The following SOX5 variants were observed in gnomAD, a reference collection of about 807,000 sequenced individuals.
The protein encoded by SOX5 is SRY-box transcription factor 5, also known as transcription factor SOX-5.
Under a neutral mutation model 92.0 loss-of-function variants are expected in SOX5, and 9 were observed. The ratio of observed to expected loss-of-function variants is 0.10; its 90% CI spans 0.06 to 0.17. The LOEUF (loss-of-function observed/expected upper bound fraction) is 0.17, where lower values mean the gene tolerates loss of function less well. SOX5 is among the 10% of genes least tolerant of loss of function. The pLI is 1.00. For synonymous variants in SOX5, 344 were observed against 336.3 expected, an observed-to-expected ratio of 1.02 and a Z score of -0.25; for missense variants, 642 against 944.5, an observed-to-expected ratio of 0.68 and a Z score of 4.20.
intron 6 of SOX5, among the ~76,000 whole-genome samples, chr12:23,710,472 T>C (rs2091936874): frequency 6.6e-6 from 1 of 152,122 alleles, no homozygotes; most frequent in Non-Finnish European, 1.5e-5. Context: ...TTCCCACCTA[T>C]GAGTGAGAAC....
At chr12:24,524,364 T>TATCCATCTATCTATCTATCTATCC (rs1426540074) in intron 1 of SOX5, among the ~76,000 whole-genome samples, 2 of 151,896 alleles carry the variant, frequency 1.3e-5, no homozygotes, top group Non-Finnish European at 2.9e-5. Context: ...TCTATCTATC[T>TATCCATCTATCTATCTATCTATCC]ATCTATCTAT....
chr12:24,455,036 T>A (rs973479499), intron 1 of SOX5, among the ~76,000 whole-genome samples: 3 of 152,366 alleles, frequency 2.0e-5, no homozygotes, highest in Non-Finnish European at 2.9e-5. Context: ...ATATGTCCAC[T>A]GCAAGAATGC....
At chr12:24,345,904 C>G (rs1045151873) in intron 2 of SOX5, among the ~76,000 whole-genome samples, 1 of 152,172 alleles carries the variant, frequency 6.6e-6, no homozygotes, top group Non-Finnish European at 1.5e-5. Flanking sequence ...CACACTTATT[C>G]TGTTGCTCTC....
At chr12:24,118,335 A>G (rs1223331608) in intron 4 of SOX5, among the ~76,000 whole-genome samples, 1 of 152,194 alleles carries the variant, frequency 6.6e-6, no homozygotes, top group African/African-American at 2.4e-5. Flanking sequence ...TACTATGTAT[A>G]CATACATTGA....
chr12:24,506,902 T>C (rs1948835303), intron 1 of SOX5, among the ~76,000 whole-genome samples: 2 of 148,928 alleles, frequency 1.3e-5, no homozygotes, highest in Admixed American at 6.8e-5. Context: ...ACCATTCTCC[T>C]GCCTCAGCCT....
chr12:24,129,401 T>C (rs188828992), intron 4 of SOX5, among the ~76,000 whole-genome samples: 1 of 152,284 alleles, frequency 6.6e-6, no homozygotes, highest in Non-Finnish European at 1.5e-5. Flanking sequence ...TGTTATCCAT[T>C]CCTTATCTGA....
chr12:24,351,022 C>A (rs1954014885), intron 2 of SOX5, among the ~76,000 whole-genome samples: 1 of 152,138 alleles, frequency 6.6e-6, no homozygotes. Flanking sequence ...CATACCACTC[C>A]ATTCCAGCCT....
At chr12:23,954,795 G>A (rs940753084), upstream of SOX5, among the ~76,000 whole-genome samples, 2 of 152,018 alleles carry the variant, frequency 1.3e-5, no homozygotes, top group African/African-American at 4.8e-5. Flanking sequence ...CATATTTGAA[G>A]AAACAGTGTT....
At chr12:23,923,107 G>A (rs1396458397) in intron 1 of SOX5, among the ~76,000 whole-genome samples, 3 of 151,912 alleles carry the variant, frequency 2.0e-5, no homozygotes, top group Admixed American at 6.6e-5. Context: ...CACAACGCCC[G>A]GCTAATTTTT....
chr12:24,343,065 A>G (rs1242095752), intron 2 of SOX5, among the ~76,000 whole-genome samples: 3 of 152,252 alleles, frequency 2.0e-5, no homozygotes, highest in Non-Finnish European at 2.9e-5. Context: ...CAAGTTTAAT[A>G]GTCACCTTCA....
At chr12:23,806,599 G>GAA (rs368368718) in intron 3 of SOX5, among the ~76,000 whole-genome samples, 2 of 96,098 alleles carry the variant, frequency 2.1e-5, no homozygotes, top group Non-Finnish European at 4.4e-5. Context: ...AAAAAAAAAA[G>GAA]AAAAAAAAAA....
At chr12:24,213,432 A>G (rs933918363) in intron 3 of SOX5, 1 of 150,746 alleles carries the variant, frequency 6.6e-6, no homozygotes, top group Non-Finnish European at 1.5e-5. Flanking sequence ...AAAAAAAAAA[A>G]AAAAAAAGAA....
intron 4 of SOX5, among the ~76,000 whole-genome samples, 157 bp downstream of exon 4, chr12:23,755,481 T>C (rs2094337858): frequency 6.6e-6 from 1 of 151,782 alleles, no homozygotes; most frequent in African/African-American, 2.4e-5. Flanking sequence ...ATAAGAACCC[T>C]GCTACATCCT....
chr12:24,484,857 G>A (rs140941592), intron 1 of SOX5, among the ~76,000 whole-genome samples: 3 of 152,202 alleles, frequency 2.0e-5, no homozygotes, highest in East Asian at 1.9e-4. Context: ...AAATCTGGAG[G>A]TAGAAATAAA....
chr12:23,639,068 C>T (rs2079670689), intron 8 of SOX5, among the ~76,000 whole-genome samples: 1 of 151,858 alleles, frequency 6.6e-6, no homozygotes, highest in Non-Finnish European at 1.5e-5. Context: ...GAACTTTATC[C>T]CATTTACATC....
chr12:24,125,818 T>C (rs1283777523), intron 4 of SOX5, among the ~76,000 whole-genome samples: 1 of 152,182 alleles, frequency 6.6e-6, no homozygotes. Context: ...TTTGGGGATA[T>C]TTTTCTCAAT....
intron 3 of SOX5, among the ~76,000 whole-genome samples, chr12:24,229,786 C>G (rs910594021): frequency 2.0e-5 from 3 of 152,064 alleles, no homozygotes; most frequent in African/African-American, 7.2e-5. Context: ...ATAGGCTGGG[C>G]AGGAAAAAGA....
chr12:24,450,594 A>C (rs1942149676), intron 1 of SOX5, among the ~76,000 whole-genome samples: 1 of 152,042 alleles, frequency 6.6e-6, no homozygotes, highest in Non-Finnish European at 1.5e-5. Flanking sequence ...TCCCAGGCTC[A>C]AGTGATTCTC....
rs559032045 is a variant in SOX5, at chr12:24,050,632, T to TAATG, written c.-1-154612_-1-154609dup. Reference sequence around the variant, plus strand: ...AAATAGGTAACTATCCCAAAAGAGGTAATGTCTAGTATACAGAGAGGTACA... The same window carrying TAATG: ...AAATAGGTAACTATCCCAAAAGAGGTAATGAATGTCTAGTATACAGAGAGGTACA... On this transcript the variant is annotated intron_variant, in intron 4 of 4. Coordinates refer to the SOX5 transcript ENST00000446891. Among the ~76,000 whole-genome samples the TAATG allele has an allele frequency of 8.1e-4, 124 of 152,236 alleles. 1 individual carries two copies. In the East Asian group the frequency reaches 0.016, roughly 19 times the overall value.
Sources: gnomAD v4.1 joint callset for allele counts (sites outside exome capture counted in the v4.1 genomes callset) on GRCh38, gnomAD v4.1.1 for gene constraint, MANE v1.5 for transcripts, NCBI Gene and HGNC (gene_info 2026-07-23, HGNC 2026-07-21) for gene names.